Variants in MAN2B2 observed in about 807,000 individuals in gnomAD.
MAN2B2 encodes mannosidase alpha class 2B member 2, also known as epididymis-specific alpha-mannosidase.
MAN2B2 carries 106 observed loss-of-function variants against 117.1 expected under a neutral mutation model. The observed-to-expected ratio is 0.90, with a 90% CI of 0.77 to 1.06. The LOEUF (loss-of-function observed/expected upper bound fraction) is 1.06. Among genes scored for constraint, MAN2B2 ranks in the 50% least tolerant of loss-of-function variants. The pLI, the probability that MAN2B2 is intolerant of heterozygous loss-of-function variation, is 0.00. For synonymous variants in MAN2B2, 544 were observed against 595.1 expected (o/e 0.91, Z 1.25); for missense variants, 1,326 against 1,381.4 (o/e 0.96, Z 0.64).
Position 6,587,108 on chromosome 4 carries a change from C to T in MAN2B2, c.504C>T (p.Phe168=), listed in dbSNP as rs1404490673. Residue 168 remains phenylalanine, a synonymous_variant, in exon 4 of 19, where the codon TTC becomes TTT. Coordinates refer to ENST00000285599, the MANE Select transcript of MAN2B2 (RefSeq NM_015274.3). ...TTPTLFALAG[F]NAHLGSRIDY... ...CCACCCTATTTGCGCTGGCGGGCTT[C>T]AATGCCCACCTCGGCTCCCGGATCG... 1.2e-6 allele frequency: 2 copies of T among 1,613,990 alleles called. No individual in the cohort carries two copies. Among genetic ancestry groups the T allele is most frequent in the Non-Finnish European group, 1.7e-6 (2 of 1,180,010 alleles).
chr4:6,598,142 G>T, intron 8 of MAN2B2, 56 bp from the exon 9 acceptor site: 2 of 1,576,756 alleles, frequency 1.3e-6, no homozygotes, highest in Non-Finnish European at 1.7e-6. Context: ...CCTTGTAGGT[G>T]CTTTGCAGAG....
chr4:6,589,203 G>C, intron 5 of MAN2B2, 43 bp downstream of exon 5: 1 of 1,435,302 alleles, frequency 7.0e-7, no homozygotes, highest in Non-Finnish European at 9.8e-7. Context: ...CAGACAGCAG[G>C]GTCTGCCCAG....
At chr4:6,586,861 G>A in intron 3 of MAN2B2, 135 bp from the exon 4 acceptor site, 1 of 700,734 alleles carries the variant, frequency 1.4e-6, no homozygotes, top group East Asian at 2.6e-5. Context: ...CACCTCTGCA[G>A]TTCTGCATGA....
chr4:6,595,258 T>A (rs2108744256), intron 7 of MAN2B2, among the ~76,000 whole-genome samples: 1 of 152,294 alleles, frequency 6.6e-6, no homozygotes, highest in East Asian at 1.9e-4. Context: ...TGTGTGCAAG[T>A]CATGAAACCA....
intron 17 of MAN2B2, 66 bp from the exon 18 acceptor site, chr4:6,619,861 T>C: frequency 6.9e-7 from 1 of 1,449,576 alleles, no homozygotes; most frequent in Non-Finnish European, 9.6e-7. Flanking sequence ...CCTGCTGCTG[T>C]CTTGGTTCTC....
intron 3 of MAN2B2, among the ~76,000 whole-genome samples, chr4:6,583,247 T>TA (rs1463595094): frequency 6.6e-6 from 1 of 152,134 alleles, no homozygotes; most frequent in Non-Finnish European, 1.5e-5. Flanking sequence ...GGCCAGAACT[T>TA]AATCATATGG....
chr4:6,587,750 G>GTTT (rs201846526), intron 4 of MAN2B2, among the ~76,000 whole-genome samples: 1,228 of 113,282 alleles, frequency 0.011, 28 homozygotes, highest in African/African-American at 0.024. Flanking sequence ...TTGGGTTGTT[G>GTTT]TTTTTTTTTT....
At chr4:6,578,747 C>A (rs1726165911) in intron 3 of MAN2B2, among the ~76,000 whole-genome samples, 1 of 152,128 alleles carries the variant, frequency 6.6e-6, no homozygotes, top group Non-Finnish European at 1.5e-5. Context: ...ATTCCCTCCT[C>A]TGTGACCCTG....
rs868180811 is a variant in MAN2B2 at position 6,579,337 on chromosome 4, C to T, written c.391+839C>T. Among the ~76,000 whole-genome samples the T allele has an allele frequency of 1.7e-3, 142 of 83,006 alleles. 1 individual carries two copies. The highest frequency in any genetic ancestry group is 3.1e-3 in the African/African-American group (72 of 23,152). The allele number at this position is 83,006 out of a possible 152,430, so 54.5% of individuals were successfully genotyped here. On this transcript the variant is annotated intron_variant, in intron 3 of 18. Coordinates refer to ENST00000285599, the MANE Select transcript of MAN2B2 (RefSeq NM_015274.3). ...ACCACCATCACCACCACCACCACCA[C>T]CACCATCACCATCACCACCACCATC...
In MAN2B2 at chr4:6,610,017, C is replaced by G. The variant is rs1195710607; in HGVS notation, c.2226C>G (p.Pro742=). Residue 742 remains proline, a synonymous_variant, in exon 13 of 19, where the codon CCC becomes CCG. Coordinates refer to ENST00000285599, the MANE Select transcript of MAN2B2 (RefSeq NM_015274.3). ...ACGGCTACCAGATGCAGCGGAGGCC[C>G]TACGTTTCCTATGTGAACAACAGCA... ...DNNGYQMQRR[P]YVSYVNNSIA... 3.1e-6 allele frequency: 5 copies of G among 1,614,040 alleles called. No individual in the cohort carries two copies. Among genetic ancestry groups the G allele is most frequent in the Admixed American group, 1.7e-5 (1 of 60,006 alleles).
chr4:6,609,570 C>G (rs1241563460), intron 12 of MAN2B2: 1 of 635,930 alleles, frequency 1.6e-6, no homozygotes, highest in African/African-American at 1.8e-5. Context: ...ATGATCAGAG[C>G]AGACGTAAGG....
chr4:6,587,442 G>A (rs948441118), intron 4 of MAN2B2, among the ~76,000 whole-genome samples: 4 of 152,164 alleles, frequency 2.6e-5, no homozygotes, highest in East Asian at 1.9e-4. Flanking sequence ...GGCCTGAGGC[G>A]GGGCTGACTC....
intron 10 of MAN2B2, among the ~76,000 whole-genome samples, chr4:6,602,445 A>G (rs1263823505): frequency 1.3e-5 from 2 of 152,164 alleles, no homozygotes; most frequent in Non-Finnish European, 1.5e-5. Flanking sequence ...CTTTTTTACG[A>G]GGGCACTAAT....
At chr4:6,618,809 G>A (rs1162316894) in intron 17 of MAN2B2, 2 of 152,244 alleles carry the variant, frequency 1.3e-5, no homozygotes, top group Non-Finnish European at 2.9e-5. Flanking sequence ...ATCCAGAGAA[G>A]CCCCAGTACC....
chr4:6,614,952 C>T (rs957052536), intron 16 of MAN2B2, among the ~76,000 whole-genome samples: 1 of 152,256 alleles, frequency 6.6e-6, no homozygotes, highest in African/African-American at 2.4e-5. Flanking sequence ...GAGGAGGCGA[C>T]ACCTGCTGGG....
intron 3 of MAN2B2, among the ~76,000 whole-genome samples, chr4:6,584,014 C>T (rs1189381216): frequency 2.6e-5 from 4 of 152,218 alleles, no homozygotes; most frequent in South Asian, 2.1e-4. Context: ...CGGGAAGTCA[C>T]GTCTCCCTGG....
chr4:6,587,758 T>TTTTG (rs1482838372), intron 4 of MAN2B2, among the ~76,000 whole-genome samples: 15 of 76,716 alleles, frequency 2.0e-4, no homozygotes, highest in Admixed American at 4.3e-4. Context: ...TTGTTTTTTT[T>TTTTG]TTTTTTTTTT....
At position 6,587,065 on chromosome 4, in the gene MAN2B2, G is replaced by A. The variant is rs1335928845; in HGVS notation, c.461G>A (p.Gly154Asp). 2 of 1,614,056 alleles carry A rather than the reference G, an allele frequency of 1.2e-6. No homozygotes were observed. The highest frequency in any genetic ancestry group is 1.3e-5 in the African/African-American group (1 of 75,046). The change falls in exon 4 of 19, where the codon GGC becomes GAC. Residue 154 changes from glycine (G) to aspartate (D), a missense_variant. Physicochemically the swap from Gly to Asp is moderately conservative, Grantham distance 94. Transcript: ENST00000285599. ...TTCTCCTGGCACGTTGACCCGTTTG[G>A]CGCCTCTGCCACGACGCCCACCCTA... ...PQFSWHVDPF[G>D]ASATTPTLFA...
chr4:6,577,817 A>G lies in MAN2B2; in HGVS notation c.286-576A>G, dbSNP rs541045192. Among the ~76,000 whole-genome samples, 3 of 152,338 alleles carry G rather than the reference A, an allele frequency of 2.0e-5. No individual in the cohort carries two copies. The East Asian group carries it at 5.8e-4, about 29-fold the overall frequency. On this transcript the variant is annotated intron_variant, in intron 2 of 18. Transcript: ENST00000285599. ...GGAAACTTGTGGCAGAGCTCCCTGG[A>G]GGCAGGAATTGTTGCCTGCTTCATT...
Sources: gnomAD v4.1 joint callset for allele counts (sites outside exome capture counted in the v4.1 genomes callset) on GRCh38, gnomAD v4.1.1 for gene constraint, MANE v1.5 for transcripts, NCBI Gene and HGNC (gene_info 2026-07-23, HGNC 2026-07-21) for gene names.